Variants in CACNA1C observed in about 807,000 individuals in gnomAD.
CACNA1C encodes the protein voltage-dependent L-type calcium channel subunit alpha-1C.
In CACNA1C, 30 loss-of-function variants were observed where a neutral mutation model predicts 229.0. That is an observed-to-expected ratio of 0.13 (90% CI 0.10 to 0.18). The LOEUF (loss-of-function observed/expected upper bound fraction) is 0.18, where lower values mean the gene tolerates loss of function less well. CACNA1C is among the 10% of genes least tolerant of loss of function. The pLI is 1.00. For synonymous variants in CACNA1C, 1,114 were observed against 1,132.5 expected (o/e 0.98, Z 0.33); for missense variants, 1,658 against 2,845.0 (o/e 0.58, Z 9.49).
At chr12:2,180,089 C>T (rs935303463) in intron 3 of CACNA1C, among the ~76,000 whole-genome samples, 1 of 152,338 alleles carries the variant, frequency 6.6e-6, no homozygotes, top group Non-Finnish European at 1.5e-5. Context: ...ATGGAGAGCA[C>T]GTCTTCTCGT....
intron 1 of CACNA1C, among the ~76,000 whole-genome samples, chr12:2,099,817 A>AGCACC (rs1452101438): frequency 2.6e-5 from 4 of 152,126 alleles, no homozygotes; most frequent in Non-Finnish European, 5.9e-5. Flanking sequence ...CATTACCCCC[A>AGCACC]GCACCACAGG....
In CACNA1C at chr12:2,486,798, G is replaced by A. The variant is rs998980084; in HGVS notation, c.916+536G>A. ...TCCATTCACAGGCAGATGCCCCAGA[G>A]CCCCTATTCCAGGTGGGGGAGGAGG... On this transcript the variant is annotated intron_variant, in intron 6 of 46. Coordinates refer to ENST00000399655, the MANE Select transcript of CACNA1C (RefSeq NM_000719.7). This position sits in a 1 kb window ranked among gnomAD's most constrained non-coding sequence, Gnocchi z 4.9. Among the ~76,000 whole-genome samples the A allele has an allele frequency of 6.6e-6, 1 of 152,170 alleles. No individual in the cohort carries two copies. Among genetic ancestry groups the A allele is most frequent in the African/African-American group, 2.4e-5 (1 of 41,428 alleles).
chr12:2,267,055 A>G (rs1215757598), intron 3 of CACNA1C, among the ~76,000 whole-genome samples: 3 of 151,986 alleles, frequency 2.0e-5, no homozygotes, highest in Non-Finnish European at 4.4e-5. Flanking sequence ...GTAATCACAC[A>G]TTACTTCACG....
chr12:2,513,786 G>A (rs2099790232), intron 9 of CACNA1C, among the ~76,000 whole-genome samples: 2 of 152,248 alleles, frequency 1.3e-5, no homozygotes, highest in East Asian at 3.9e-4. Context: ...AAAGTCTTGG[G>A]CCCCACTCCA....
intron 8 of CACNA1C, among the ~76,000 whole-genome samples, chr12:2,506,070 G>A (rs189971389): frequency 2.0e-5 from 3 of 152,122 alleles, no homozygotes; most frequent in Non-Finnish European, 4.4e-5. Flanking sequence ...TCAGAGCTGC[G>A]TAGAGGAAAG....
intron 3 of CACNA1C, among the ~76,000 whole-genome samples, chr12:2,230,160 G>A (rs534081106): frequency 6.6e-6 from 1 of 152,016 alleles, no homozygotes; most frequent in African/African-American, 2.4e-5. Context: ...CCGGGGCTGC[G>A]ACCTGGAGCC....
Position 2,632,538 on chromosome 12 carries a change from A to G in CACNA1C, c.3829-1759A>G, listed in dbSNP as rs1426038867. ...AGTACATGAAAAAAGTCTTTTAAGAACATTCGTCCCTTCTCTTCTCCAAAC... is the reference window on the plus strand; with the variant it reads ...AGTACATGAAAAAAGTCTTTTAAGAGCATTCGTCCCTTCTCTTCTCCAAAC... On this transcript the variant is annotated intron_variant, in intron 29 of 46. Transcript: ENST00000399655. This position sits in a 1 kb window ranked among gnomAD's most constrained non-coding sequence, Gnocchi z 4.1. Among the ~76,000 whole-genome samples the G allele has an allele frequency of 6.6e-6, 1 of 152,210 alleles. No homozygotes were observed. Among genetic ancestry groups the G allele is most frequent in the Non-Finnish European group, 1.5e-5 (1 of 68,034 alleles).
chr12:2,249,286 C>A (rs1233316874), intron 3 of CACNA1C, among the ~76,000 whole-genome samples: 6 of 152,170 alleles, frequency 3.9e-5, no homozygotes, highest in Non-Finnish European at 8.8e-5. Context: ...AACTGGCGAA[C>A]AGGCCACATC....
chr12:2,527,928 A>C (rs973192645), intron 9 of CACNA1C, among the ~76,000 whole-genome samples: 4 of 152,240 alleles, frequency 2.6e-5, no homozygotes, highest in Non-Finnish European at 4.4e-5. Flanking sequence ...CCCAAGCTTC[A>C]ATAAAAACTG....
chr12:2,587,603 T>A (rs2063100912), intron 18 of CACNA1C, among the ~76,000 whole-genome samples: 1 of 151,852 alleles, frequency 6.6e-6, no homozygotes, highest in South Asian at 2.1e-4. Context: ...AATGTTAATT[T>A]TAAAAAAAAA....
intron 1 of CACNA1C, among the ~76,000 whole-genome samples, chr12:2,078,577 G>T (rs1045318228): frequency 2.0e-5 from 3 of 152,204 alleles, no homozygotes; most frequent in East Asian, 1.9e-4. Flanking sequence ...CTGAACGAGG[G>T]GTGCAGAGGG....
intron 29 of CACNA1C, among the ~76,000 whole-genome samples, chr12:2,627,213 C>A (rs1478219366): frequency 1.3e-5 from 2 of 152,182 alleles, no homozygotes; most frequent in South Asian, 4.1e-4. Flanking sequence ...CAGAGGAGGG[C>A]AGAAATCCCC....
chr12:2,499,531 G>T (rs927345399), intron 7 of CACNA1C, among the ~76,000 whole-genome samples: 2 of 152,272 alleles, frequency 1.3e-5, no homozygotes, highest in Middle Eastern at 3.4e-3. Flanking sequence ...TGGACTTGAG[G>T]GTTTAAATCT....
intron 30 of CACNA1C, among the ~76,000 whole-genome samples, chr12:2,643,735 C>A (rs528127928): frequency 2.0e-5 from 3 of 152,304 alleles, no homozygotes; most frequent in Admixed American, 6.5e-5. Context: ...CCTTAACCTA[C>A]ACCTGCTGGC....
At chr12:2,008,808 C>A (rs556903223) in intron 1 of CACNA1C, among the ~76,000 whole-genome samples, 1 of 152,212 alleles carries the variant, frequency 6.6e-6, no homozygotes, top group African/African-American at 2.4e-5. Flanking sequence ...TCAGCATTGC[C>A]ATATTGTTCA....
intron 1 of CACNA1C, among the ~76,000 whole-genome samples, chr12:1,997,714 T>C (rs1041396568): frequency 5.3e-5 from 8 of 152,344 alleles, no homozygotes; most frequent in Non-Finnish European, 8.8e-5. Context: ...TTCATCTACA[T>C]TGAAGTTTAA....
intron 3 of CACNA1C, among the ~76,000 whole-genome samples, chr12:2,423,276 A>G (rs1028786277): frequency 1.3e-5 from 2 of 152,192 alleles, no homozygotes; most frequent in Non-Finnish European, 2.9e-5. Flanking sequence ...ATCTGACCAC[A>G]GTCACATGAC....
rs536477387 is a variant in CACNA1C at position 2,645,939 on chromosome 12, G to T, written c.3913-2536G>T. Reference sequence around the variant, plus strand: ...TCTCTTTGGAGAGTTGTCATTACCGGGGCAGGAGAATGCCACACAGACATC... The same window carrying T: ...TCTCTTTGGAGAGTTGTCATTACCGTGGCAGGAGAATGCCACACAGACATC... On this transcript the variant is annotated intron_variant, in intron 30 of 46. Coordinates refer to ENST00000399655, the MANE Select transcript of CACNA1C (RefSeq NM_000719.7). Among the ~76,000 whole-genome samples, 60 of 152,252 alleles carry T rather than the reference G, an allele frequency of 3.9e-4. 2 individuals carry two copies. In the South Asian group the frequency reaches 0.012, roughly 31 times the overall value.
At position 2,493,091 on chromosome 12, in the gene CACNA1C, A is replaced by C; in HGVS notation, c.917-99A>C. 1 of 1,013,012 alleles carries C rather than the reference A, an allele frequency of 9.9e-7. No homozygotes were observed. The highest frequency in any genetic ancestry group is 2.2e-5 in the Admixed American group (1 of 45,456). 62.8% of individuals were successfully genotyped at this position (1,013,012 alleles called of 1,614,324 possible). A position where few individuals can be genotyped will look rare whatever the true frequency, so the allele number is the denominator to read the frequency against. On this transcript the variant is annotated intron_variant, in intron 6 of 46. Coordinates refer to ENST00000399655, the MANE Select transcript of CACNA1C (RefSeq NM_000719.7). This position sits in a 1 kb window ranked among gnomAD's most constrained non-coding sequence, Gnocchi z 4.6. ...TTGCCATGGTTGCTTTGCCCATCCC[A>C]TCAACCTCATCCTGTCACTTTTCTC... is the stretch of plus-strand genomic sequence containing the variant.
Sources: allele counts gnomAD v4.1 joint callset (sites outside exome capture counted in the v4.1 genomes callset), GRCh38; gene constraint gnomAD v4.1.1; non-coding constraint Gnocchi (gnomAD v3.1); transcripts MANE v1.5; gene names NCBI Gene and HGNC (gene_info 2026-07-23, HGNC 2026-07-21).